Variants in UNC13C observed in about 807,000 individuals in gnomAD.
UNC13C encodes the protein unc-13 homolog C, also known as protein unc-13 homolog C.
A neutral mutation model predicts 245.4 loss-of-function variants in UNC13C; 174 were observed. The observed-to-expected ratio is 0.71, with a 90% CI of 0.63 to 0.80. The LOEUF is 0.80. UNC13C is among the 30% of genes least tolerant of loss of function. The pLI is 0.00. For missense variants in UNC13C, 2,829 were observed against 2,602.9 expected, an observed-to-expected ratio of 1.09 and a Z score of -1.89; for synonymous variants, 992 against 895.1, an observed-to-expected ratio of 1.11 and a Z score of -1.93.
intron 8 of UNC13C, among the ~76,000 whole-genome samples, chr15:54,254,179 T>C (rs2036221903): frequency 2.0e-5 from 3 of 152,238 alleles, no homozygotes; most frequent in African/African-American, 7.2e-5. Context: ...TTTGTTGCCC[T>C]GTTATCACAT....
intron 17 of UNC13C, among the ~76,000 whole-genome samples, chr15:54,365,677 G>A (rs551173496): frequency 6.6e-6 from 1 of 151,878 alleles, no homozygotes; most frequent in Non-Finnish European, 1.5e-5. Flanking sequence ...TATGATGAAA[G>A]AGTTGGAGTC....
intron 30 of UNC13C, among the ~76,000 whole-genome samples, chr15:54,583,238 A>T (rs1220403187): frequency 6.6e-6 from 1 of 152,206 alleles, no homozygotes; most frequent in East Asian, 1.9e-4. Context: ...TAGCAATATA[A>T]ACCTCTAGAT....
intron 1 of UNC13C, among the ~76,000 whole-genome samples, chr15:54,008,875 A>G (rs1186386900): frequency 6.6e-6 from 1 of 152,194 alleles, no homozygotes; most frequent in Middle Eastern, 3.2e-3. Context: ...TTTTGGTTGT[A>G]TCTCTTTATC....
At chr15:54,238,679 T>A (rs1275279599) in intron 7 of UNC13C, among the ~76,000 whole-genome samples, 1 of 152,236 alleles carries the variant, frequency 6.6e-6, no homozygotes, top group East Asian at 1.9e-4. Context: ...TTTTAAACTC[T>A]GATATCCTTG....
At chr15:54,552,467 ACAATATATAATATAATTATATAT>A (rs1566904515) in intron 28 of UNC13C, among the ~76,000 whole-genome samples, 127 of 11,060 alleles carry the variant, frequency 0.011, 1 homozygote, top group Non-Finnish European at 0.015. Context: ...ATTATATATT[ACAATATATAATATAATTATATAT>A]TATATTATAT....
chr15:54,251,835 T>C (rs1451328628), intron 8 of UNC13C, among the ~76,000 whole-genome samples: 1 of 152,184 alleles, frequency 6.6e-6, no homozygotes, highest in Non-Finnish European at 1.5e-5. Flanking sequence ...CACAGCTGAC[T>C]TGTTGTAGTC....
chr15:53,902,365 G>A, the UNC13C span, among the ~76,000 whole-genome samples: 30 of 152,252 alleles, frequency 2.0e-4, no homozygotes, highest in African/African-American at 7.2e-4. Context: ...GGCAGTTGAG[G>A]CCAAGATCTG....
chr15:54,593,651 C>G (rs1330889769), intron 30 of UNC13C, among the ~76,000 whole-genome samples: 1 of 152,090 alleles, frequency 6.6e-6, no homozygotes, highest in African/African-American at 2.4e-5. Flanking sequence ...TTTCATGCTT[C>G]TAAAAGTGTG....
At chr15:54,374,052 A>G (rs2039552088) in intron 17 of UNC13C, among the ~76,000 whole-genome samples, 1 of 152,166 alleles carries the variant, frequency 6.6e-6, no homozygotes, top group African/African-American at 2.4e-5. Context: ...CTCTCAGCTG[A>G]AAGAAGACCC....
At chr15:53,984,315 A>G (rs1011177759) in intron 1 of UNC13C, among the ~76,000 whole-genome samples, 1 of 152,114 alleles carries the variant, frequency 6.6e-6, no homozygotes, top group African/African-American at 2.4e-5. Flanking sequence ...CCAGATACTG[A>G]CATTTTATAC....
chr15:54,430,215 C>T (rs1482670930), intron 19 of UNC13C, among the ~76,000 whole-genome samples: 1 of 151,554 alleles, frequency 6.6e-6, no homozygotes, highest in Non-Finnish European at 1.5e-5. Context: ...TTAAGTTGTG[C>T]TTTATCAATT....
At chr15:54,422,210 C>T (rs1455456870) in intron 19 of UNC13C, among the ~76,000 whole-genome samples, 2 of 152,056 alleles carry the variant, frequency 1.3e-5, no homozygotes, top group Middle Eastern at 6.8e-3. Context: ...ATAGACAAAT[C>T]CATAAATACT....
At chr15:54,180,816 T>G (rs2141302089) in intron 4 of UNC13C, among the ~76,000 whole-genome samples, 1 of 152,148 alleles carries the variant, frequency 6.6e-6, no homozygotes, top group Non-Finnish European at 1.5e-5. Flanking sequence ...TGCTCGTATC[T>G]TTGGTCCATT....
At chr15:54,137,282 T>C (rs1454255900) in intron 2 of UNC13C, among the ~76,000 whole-genome samples, 1 of 152,248 alleles carries the variant, frequency 6.6e-6, no homozygotes, top group Non-Finnish European at 1.5e-5. Flanking sequence ...TTTGCATCTA[T>C]GTTCATCAGG....
At chr15:53,969,558 C>T in the UNC13C span, among the ~76,000 whole-genome samples, 1 of 151,736 alleles carries the variant, frequency 6.6e-6, no homozygotes, top group Non-Finnish European at 1.5e-5. Flanking sequence ...TGGTGGCACA[C>T]ACCTGTAGTC....
In UNC13C at chr15:54,628,074, T is replaced by G. The variant is rs1447937774; in HGVS notation, c.*961T>G. On this transcript the variant is annotated 3_prime_UTR_variant, in exon 33 of 33. Transcript: ENST00000260323. ...AAAAGTCATGTTTTCATCCACTTAG[T>G]GAAAAAATAGTAAAATTAAGTCGGA... 6.6e-6 allele frequency: 1 copy of G among 151,800 alleles called. No individual in the cohort carries two copies. The highest frequency in any genetic ancestry group is 1.5e-5 in the Non-Finnish European group (1 of 67,990). 9.4% of individuals were successfully genotyped at this position (151,800 alleles called of 1,614,324 possible).
At chr15:53,968,642 C>T in the UNC13C span, among the ~76,000 whole-genome samples, 2 of 152,048 alleles carry the variant, frequency 1.3e-5, no homozygotes, top group Non-Finnish European at 2.9e-5. Flanking sequence ...CAAGGTCCTG[C>T]GTTTGGATCT....
chr15:53,954,136 C>G, the UNC13C span, among the ~76,000 whole-genome samples: 5 of 152,214 alleles, frequency 3.3e-5, no homozygotes, highest in South Asian at 1.0e-3. Context: ...GGAAAAACTA[C>G]TAGGTGCCCA....
At chr15:54,479,641 G>C (rs190198056) in intron 19 of UNC13C, among the ~76,000 whole-genome samples, 1 of 150,982 alleles carries the variant, frequency 6.6e-6, no homozygotes, top group Non-Finnish European at 1.5e-5. Context: ...TCATATATCC[G>C]TTTTTCTTTA....
Sources: allele counts gnomAD v4.1 joint callset (sites outside exome capture counted in the v4.1 genomes callset), GRCh38; gene constraint gnomAD v4.1.1; transcripts MANE v1.5; gene names NCBI Gene and HGNC (gene_info 2026-07-23, HGNC 2026-07-21).